Variants in FBXO22 observed in about 807,000 individuals in gnomAD.
The protein encoded by FBXO22 is F-box protein 22, also known as F-box only protein 22.
In FBXO22, 13 loss-of-function variants were observed where a neutral mutation model predicts 37.2. The observed-to-expected ratio is 0.35, with a 90% CI of 0.23 to 0.56. The LOEUF is 0.56. Ranked by LOEUF, FBXO22 falls within the 20% of genes least tolerant of loss-of-function variation. FBXO22 has a pLI of 0.87. For synonymous variants in FBXO22, 189 were observed against 189.1 expected, an observed-to-expected ratio of 1.00 and a Z score of 0.00; for missense variants, 446 against 509.9, an observed-to-expected ratio of 0.87 and a Z score of 1.21.
Position 75,940,695 on chromosome 15 carries a change from A to C in FBXO22, c.*7593A>C, listed in dbSNP as rs984260886. On this transcript the variant is annotated 3_prime_UTR_variant, in exon 7 of 7. Transcript: ENST00000308275. ...CCTAGAAATAAACCCTCTCATATGTAGGTAAATGATTTTTGACAAGGGTGC... is the reference window on the plus strand; with the variant it reads ...CCTAGAAATAAACCCTCTCATATGTCGGTAAATGATTTTTGACAAGGGTGC... The C allele has an allele frequency of 5.9e-5, 9 of 152,250 alleles. No individual in the cohort carries two copies. Among genetic ancestry groups the C allele is most frequent in the East Asian group, 1.9e-4 (1 of 5,190 alleles). 9.4% of individuals were successfully genotyped at this position (152,250 alleles called of 1,614,324 possible).
intron 5 of FBXO22, among the ~76,000 whole-genome samples, chr15:75,918,027 G>A (rs760298412): frequency 3.9e-5 from 6 of 152,154 alleles, no homozygotes; most frequent in Admixed American, 2.6e-4. Context: ...AACAACAAAC[G>A]AATTACTCAA....
At chr15:75,919,734 G>A (rs1283131058) in intron 5 of FBXO22, among the ~76,000 whole-genome samples, 3 of 152,180 alleles carry the variant, frequency 2.0e-5, no homozygotes, top group African/African-American at 7.2e-5. Flanking sequence ...TCTGCAGTGT[G>A]GCCTTGTAGT....
chr15:75,903,950 C>T lies in FBXO22; in HGVS notation c.-14C>T, dbSNP rs745962957. On this transcript the variant is annotated 5_prime_UTR_variant, in exon 1 of 7. Coordinates refer to ENST00000308275, the MANE Select transcript of FBXO22 (RefSeq NM_147188.3). ...CGAGCCGCCGTAGGACTGGTTCCGG[C>T]GGGCTGGTGAGGAATGGAGCCGGTA... The T allele has an allele frequency of 5.2e-6, 8 of 1,534,104 alleles. No individual in the cohort carries two copies. Among genetic ancestry groups the T allele is most frequent in the Middle Eastern group, 3.8e-4 (2 of 5,278 alleles).
intron 2 of FBXO22, among the ~76,000 whole-genome samples, chr15:75,910,912 C>T (rs1767450534): frequency 6.6e-6 from 1 of 152,182 alleles, no homozygotes; most frequent in Admixed American, 6.5e-5. Flanking sequence ...ACATTTAAGT[C>T]TTTAATCCAT....
Position 75,913,289 on chromosome 15 carries a change from A to G in FBXO22, c.366A>G (p.Arg122=). The G allele has an allele frequency of 6.3e-7, 1 of 1,596,470 alleles. No homozygotes were observed. Among genetic ancestry groups the G allele is most frequent in the Non-Finnish European group, 8.6e-7 (1 of 1,167,980 alleles). The change falls in exon 3 of 7, where the codon AGA becomes AGG. Residue 122 remains arginine, a splice_region_variant and synonymous_variant. Transcript: ENST00000308275. ...ISLEECRGHK[R]ARKRTSMETA... is the part of the protein sequence containing the mutation. Reference sequence around the variant, plus strand: ...TGGAAGAGTGTCGTGGCCATAAGAGAGGTAAATATCAAAAGAAAAGCTTTT... The same window carrying G: ...TGGAAGAGTGTCGTGGCCATAAGAGGGGTAAATATCAAAAGAAAAGCTTTT...
At position 75,931,005 on chromosome 15, in the gene FBXO22, G is replaced by A. The variant is rs57562463; in HGVS notation, c.794+956G>A. 3.2e-3 allele frequency: 814 copies of A among 250,620 alleles called. 6 individuals carry two copies. The highest frequency in any genetic ancestry group is 0.018 in the African/African-American group (762 of 43,326). The allele number at this position is 250,620 out of a possible 1,614,324, so 15.5% of individuals were successfully genotyped here. ...GGAGGAAGAGAGGAAGGCCAAGTAC[G>A]TTGAATCCCAGGCAGGATATCAAAC... is the stretch of plus-strand genomic sequence containing the variant. On this transcript the variant is annotated intron_variant, in intron 6 of 6. Transcript: ENST00000308275.
intron 2 of FBXO22, among the ~76,000 whole-genome samples, chr15:75,905,316 C>G (rs1240457388): frequency 6.6e-6 from 1 of 152,158 alleles, no homozygotes; most frequent in South Asian, 2.1e-4. Flanking sequence ...AACTTCTGAT[C>G]CTGTACTCTT....
At chr15:75,920,689 G>A (rs1339451537) in intron 5 of FBXO22, among the ~76,000 whole-genome samples, 1 of 152,070 alleles carries the variant, frequency 6.6e-6, no homozygotes, top group African/African-American at 2.4e-5. Flanking sequence ...CAAGCATGGT[G>A]GCACGCACCT....
intron 5 of FBXO22, among the ~76,000 whole-genome samples, chr15:75,920,489 T>C (rs1900293034): frequency 6.6e-6 from 1 of 152,188 alleles, no homozygotes; most frequent in Admixed American, 6.5e-5. Flanking sequence ...ACGAGATGAC[T>C]ATCTATATTC....
intron 2 of FBXO22, among the ~76,000 whole-genome samples, chr15:75,907,787 A>G (rs1301029022): frequency 6.6e-6 from 1 of 151,932 alleles, no homozygotes; most frequent in African/African-American, 2.4e-5. Context: ...ATATTAAAGT[A>G]CAAAAGTTGG....
rs576388301 is a variant in FBXO22 at position 75,924,533 on chromosome 15, C to T, written c.629-5351C>T. On this transcript the variant is annotated intron_variant, in intron 5 of 6. Transcript: ENST00000308275. The stretch of plus-strand genomic sequence containing the variant: ...ACCTACACTGGAGGCATCTTTGGAA[C>T]GCTTTGCCCACCAAAGCACAGTCTG... 1.7e-4 allele frequency among the ~76,000 whole-genome samples: 26 copies of T among 152,268 alleles called. 1 individual carries two copies. The South Asian group carries it at 4.8e-3, about 28-fold the overall frequency.
chr15:75,905,266 C>T (rs1899902423), intron 2 of FBXO22, among the ~76,000 whole-genome samples: 1 of 152,152 alleles, frequency 6.6e-6, no homozygotes, highest in African/African-American at 2.4e-5. Flanking sequence ...AGTGAGCACA[C>T]CTAGAAAGCC....
rs137973541 is a variant in FBXO22 at position 75,903,994 on chromosome 15, C to G, written c.31C>G (p.Arg11Gly). Reference protein sequence around the residue: MEPVGCCGECRGSSVDPRSTF... With the variant: MEPVGCCGECGGSSVDPRSTF... ...GCCGGTAGGCTGCTGCGGCGAGTGC[C>G]GCGGCTCCTCCGTAGACCCGCGGAG... is the stretch of plus-strand genomic sequence containing the variant. Residue 11 changes from arginine to glycine, a missense_variant, in exon 1 of 7, where the codon CGC (arginine) becomes GGC (glycine). Arg to Gly is a moderately radical substitution (Grantham distance 125). Around this residue, in one of 2 missense-constraint regions of FBXO22, gnomAD observed 131 missense variants for 99.8 expected, o/e 1.31. Coordinates refer to ENST00000308275, the MANE Select transcript of FBXO22 (RefSeq NM_147188.3). The G allele has an allele frequency of 2.2e-5, 35 of 1,578,974 alleles. No homozygotes were observed. Among genetic ancestry groups the G allele is most frequent in the Non-Finnish European group, 2.8e-5 (33 of 1,161,988 alleles).
chr15:75,930,095 G>C, intron 6 of FBXO22, 46 bp downstream of exon 6: 3 of 1,611,396 alleles, frequency 1.9e-6, no homozygotes, highest in Non-Finnish European at 2.5e-6. Flanking sequence ...GAAGGGAAAT[G>C]GTCTCAGGTT....
Position 75,941,014 on chromosome 15 carries a change from G to C in FBXO22, c.*7912G>C, listed in dbSNP as rs1232968529. The stretch of plus-strand genomic sequence containing the variant: ...AGTAAAAAGATTACCTATGGAGTGG[G>C]AGGAAATAATATGCAGTTCACGTAC... On this transcript the variant is annotated 3_prime_UTR_variant, in exon 7 of 7. Coordinates refer to ENST00000308275, the MANE Select transcript of FBXO22 (RefSeq NM_147188.3). The C allele has an allele frequency of 6.6e-6, 1 of 152,112 alleles. No homozygotes were observed. Among genetic ancestry groups the C allele is most frequent in the Non-Finnish European group, 1.5e-5 (1 of 67,972 alleles). The allele number at this position is 152,112 out of a possible 1,614,324, so 9.4% of individuals were successfully genotyped here. A position where few individuals can be genotyped will look rare whatever the true frequency, so the allele number is the denominator to read the frequency against.
rs968684109 is a variant in FBXO22, at chr15:75,930,191, C to A, written c.794+142C>A. 167 of 1,486,498 alleles carry A rather than the reference C, an allele frequency of 1.1e-4. 1 individual carries two copies. In the South Asian group the frequency reaches 1.6e-3, roughly 14 times the overall value. The allele number at this position is 1,486,498 out of a possible 1,614,324, so 92.1% of individuals were successfully genotyped here. A position where few individuals can be genotyped will look rare whatever the true frequency, so the allele number is the denominator to read the frequency against. On this transcript the variant is annotated intron_variant, in intron 6 of 6. Coordinates refer to ENST00000308275, the MANE Select transcript of FBXO22 (RefSeq NM_147188.3). ...CATTCCATTTTGTAGTAGACATTGG[C>A]TAAGGGGCTTACTGAACATAATTCT...
At chr15:75,913,629 C>T (rs1595912638) in intron 3 of FBXO22, among the ~76,000 whole-genome samples, 2 of 152,246 alleles carry the variant, frequency 1.3e-5, no homozygotes, top group South Asian at 4.1e-4. Context: ...GTCCCATTTA[C>T]TAAAGTTATG....
At chr15:75,904,386 C>T in intron 1 of FBXO22, 105 bp from the exon 2 acceptor site, 1 of 1,553,984 alleles carries the variant, frequency 6.4e-7, no homozygotes, top group Non-Finnish European at 8.8e-7. Flanking sequence ...ACTTTGGATC[C>T]CGCAGGGATC....
At chr15:75,930,870 G>C (rs2029985065) in intron 6 of FBXO22, 2 of 980,364 alleles carry the variant, frequency 2.0e-6, no homozygotes, top group Non-Finnish European at 2.4e-6. Context: ...TTGCAGATCA[G>C]TATCTATAAG....
Sources: gnomAD v4.1 joint callset for allele counts (sites outside exome capture counted in the v4.1 genomes callset) on GRCh38, gnomAD v4.1.1 for gene constraint, gnomAD v4.1.1 regional missense constraint, MANE v1.5 for transcripts, NCBI Gene and HGNC (gene_info 2026-07-23, HGNC 2026-07-21) for gene names.